The following FAT3 variants were observed in gnomAD, a reference collection of about 807,000 sequenced individuals.
The protein encoded by FAT3 is protocadherin Fat 3.
In FAT3, 95 loss-of-function variants were observed where a neutral mutation model predicts 310.2. The ratio of observed to expected loss-of-function variants is 0.31; its 90% confidence interval spans 0.26 to 0.36. The LOEUF (loss-of-function observed/expected upper bound fraction) is 0.36. Ranked by LOEUF, FAT3 falls within the 10% of genes least tolerant of loss-of-function variation. The pLI is 1.00. For missense variants in FAT3, 5,408 were observed against 5,715.6 expected (o/e 0.95, Z 1.74); for synonymous variants, 2,314 against 2,192.9 (o/e 1.06, Z -1.54).
intron 3 of FAT3, among the ~76,000 whole-genome samples, chr11:92,600,524 A>G (rs993100278): frequency 3.9e-5 from 6 of 152,236 alleles, no homozygotes; most frequent in African/African-American, 1.4e-4. Flanking sequence ...AGCAACTTAC[A>G]CTAGAACTCA....
At chr11:92,311,331 A>T (rs1947299779) in intron 1 of FAT3, among the ~76,000 whole-genome samples, 1 of 152,062 alleles carries the variant, frequency 6.6e-6, no homozygotes, top group African/African-American at 2.4e-5. Context: ...GTAGCATAGG[A>T]TGTATTTTAT....
Position 92,412,706 on chromosome 11 carries a change from TA to T in FAT3, c.3292+57303del, listed in dbSNP as rs1565296126. ...AAGTCCAACTATGATGGTGGTGATA[TA>T]TATATATATATATATATATATATAT... On this transcript the variant is annotated intron_variant, in intron 2 of 27. Transcript: ENST00000525166. 9.4e-4 allele frequency among the ~76,000 whole-genome samples: 9 copies of T among 9,552 alleles called. 2 individuals carry two copies. The highest frequency in any genetic ancestry group is 1.7e-3 in the Non-Finnish European group (8 of 4,668). The allele number at this position is 9,552 out of a possible 152,430, so 6.3% of individuals were successfully genotyped here. A position where few individuals can be genotyped will look rare whatever the true frequency, so the allele number is the denominator to read the frequency against.
intron 18 of FAT3, among the ~76,000 whole-genome samples, chr11:92,842,720 C>CA (rs890034497): frequency 4.6e-5 from 7 of 150,708 alleles, no homozygotes; most frequent in African/African-American, 9.8e-5. Flanking sequence ...AAAACAAAAA[C>CA]AAAAAAAAAG....
chr11:92,880,402 C>CAGTAATAGT (rs2136395206), intron 22 of FAT3, among the ~76,000 whole-genome samples: 1 of 150,960 alleles, frequency 6.6e-6, no homozygotes, highest in South Asian at 2.1e-4. Flanking sequence ...CTGCCTTGTG[C>CAGTAATAGT]AGTAATAGTG....
chr11:92,246,522 C>T (rs1864916269), intron 1 of FAT3, among the ~76,000 whole-genome samples: 1 of 151,888 alleles, frequency 6.6e-6, no homozygotes, highest in African/African-American at 2.4e-5. Flanking sequence ...TGCTCTAAGA[C>T]AAAGAGGGGA....
chr11:92,490,817 G>A (rs1297756097), intron 2 of FAT3, among the ~76,000 whole-genome samples: 1 of 152,004 alleles, frequency 6.6e-6, no homozygotes, highest in African/African-American at 2.4e-5. Context: ...GAGGAAAGGG[G>A]CTGCTGATCT....
intron 2 of FAT3, among the ~76,000 whole-genome samples, chr11:92,502,820 T>C (rs943360843): frequency 1.5e-4 from 23 of 152,062 alleles, no homozygotes; most frequent in Admixed American, 1.3e-3. Flanking sequence ...GATGTACTTA[T>C]TGTGCTGAGG....
In FAT3 at chr11:92,403,645, T is replaced by G. The variant is rs566487947; in HGVS notation, c.3292+48241T>G. On this transcript the variant is annotated intron_variant, in intron 2 of 27. Transcript: ENST00000525166. ...CAGGGGTGTTCTAGGCCAGGACAAC[T>G]GCACTACTAAAGGCCCAGGGCGGGG... Among the ~76,000 whole-genome samples the G allele has an allele frequency of 2.0e-5, 3 of 152,318 alleles. No individual in the cohort carries two copies. The South Asian group carries it at 6.2e-4, about 32-fold the overall frequency.
At chr11:92,314,133 T>G (rs1481266202) in intron 1 of FAT3, among the ~76,000 whole-genome samples, 1 of 152,180 alleles carries the variant, frequency 6.6e-6, no homozygotes, top group African/African-American at 2.4e-5. Context: ...ACCTTCAAAC[T>G]TCAGGGAAAG....
At chr11:92,430,697 TC>T (rs1252350639) in intron 2 of FAT3, among the ~76,000 whole-genome samples, 1 of 152,066 alleles carries the variant, frequency 6.6e-6, no homozygotes, top group East Asian at 1.9e-4. Flanking sequence ...TGTGTGATGT[TC>T]CCTTTCCTGT....
chr11:92,384,705 T>C (rs936043138), intron 2 of FAT3, among the ~76,000 whole-genome samples: 7 of 152,212 alleles, frequency 4.6e-5, no homozygotes, highest in Admixed American at 4.6e-4. Flanking sequence ...GAGAAGCAAA[T>C]TAATTACATT....
In FAT3 at chr11:92,731,839, G is replaced by A. The variant is rs961955813; in HGVS notation, c.3670-30017G>A. Among the ~76,000 whole-genome samples, 6 of 152,036 alleles carry A rather than the reference G, an allele frequency of 3.9e-5. No homozygotes were observed. The South Asian group carries it at 1.2e-3, about 32-fold the overall frequency. On this transcript the variant is annotated intron_variant, in intron 4 of 27. Coordinates refer to ENST00000525166, the MANE Select transcript of FAT3 (RefSeq NM_001367949.2). ...GGTTTTTCTTTTTTAATAATTTAAG[G>A]GAGGTGCTTTAGTCTCCTCAGTAAA... is the stretch of plus-strand genomic sequence containing the variant.
At chr11:92,876,047 C>A (rs544027547) in intron 22 of FAT3, among the ~76,000 whole-genome samples, 1 of 152,232 alleles carries the variant, frequency 6.6e-6, no homozygotes, top group South Asian at 2.1e-4. Context: ...CTCCTTGACC[C>A]TCCCCTGCCC....
At chr11:92,753,606 A>G (rs561198295) in intron 4 of FAT3, among the ~76,000 whole-genome samples, 1 of 152,200 alleles carries the variant, frequency 6.6e-6, no homozygotes, top group East Asian at 1.9e-4. Flanking sequence ...TCCCTTGTAC[A>G]CTGTTTTCCC....
intron 3 of FAT3, among the ~76,000 whole-genome samples, chr11:92,652,262 C>T (rs1239696546): frequency 2.0e-5 from 3 of 152,210 alleles, no homozygotes; most frequent in Non-Finnish European, 4.4e-5. Context: ...TACCCCTGGC[C>T]ACACAAATCC....
At chr11:92,265,042 C>A (rs1870296) in intron 1 of FAT3, among the ~76,000 whole-genome samples, 35,436 of 150,872 alleles carry the variant, frequency 0.23, 4,397 homozygotes, top group South Asian at 0.35. Flanking sequence ...GAAAAAAAAA[C>A]CAAAATAATT....
chr11:92,334,710 C>G (rs1389217101), intron 1 of FAT3, among the ~76,000 whole-genome samples: 2 of 152,166 alleles, frequency 1.3e-5, no homozygotes, highest in Admixed American at 6.5e-5. Context: ...CATTCTTTCC[C>G]TGGTAGAATG....
intron 3 of FAT3, among the ~76,000 whole-genome samples, chr11:92,530,638 A>T (rs1954035711): frequency 6.6e-6 from 1 of 152,100 alleles, no homozygotes; most frequent in Admixed American, 6.5e-5. Flanking sequence ...ATTATTTCCA[A>T]ATAGGTAGAA....
At chr11:92,355,502 C>A in intron 2 of FAT3, 98 bp downstream of exon 2, 1 of 1,230,440 alleles carries the variant, frequency 8.1e-7, no homozygotes. Context: ...AATAGAATGA[C>A]AAATGAGGTT....
Sources: gnomAD v4.1 joint callset for allele counts (sites outside exome capture counted in the v4.1 genomes callset) on GRCh38, gnomAD v4.1.1 for gene constraint, MANE v1.5 for transcripts, NCBI Gene and HGNC (gene_info 2026-07-23, HGNC 2026-07-21) for gene names.